CCDC60: variants seen among roughly 807,000 people sequenced by gnomAD.
CCDC60 encodes the protein coiled-coil domain containing 60, also known as coiled-coil domain-containing protein 60.
In CCDC60, 54 loss-of-function variants were observed where a neutral mutation model predicts 63.5. That is an observed-to-expected ratio of 0.85 (90% confidence interval 0.68 to 1.07). The LOEUF (loss-of-function observed/expected upper bound fraction) is 1.07, where lower values mean the gene tolerates loss of function less well. Ranked by LOEUF, CCDC60 falls within the 50% of genes least tolerant of loss-of-function variation. The probability of loss-of-function intolerance (pLI) is 0.00; values close to 1 mark genes in which losing one functional copy is unlikely to be tolerated. For synonymous variants in CCDC60, 206 were observed against 238.8 expected (o/e 0.86, Z 1.27); for missense variants, 651 against 684.3 (o/e 0.95, Z 0.54).
rs1950342398 is a variant in CCDC60, at chr12:119,437,191, G to T, written c.170+8429G>T. On this transcript the variant is annotated intron_variant, in intron 2 of 13. Transcript: ENST00000327554. ...GATATGGTTTGTGTCTTGGCTGGCA[G>T]GTAGGGTGAGCTTCTCCTAACTTTT... Among the ~76,000 whole-genome samples the T allele has an allele frequency of 1.3e-5, 2 of 152,168 alleles. 1 individual carries two copies. The highest frequency in any genetic ancestry group is 4.1e-4 in the South Asian group (2 of 4,826).
At chr12:119,391,262 T>C (rs970503910) in intron 1 of CCDC60, among the ~76,000 whole-genome samples, 5 of 152,244 alleles carry the variant, frequency 3.3e-5, no homozygotes, top group Non-Finnish European at 7.3e-5. Flanking sequence ...TATGTGTCTA[T>C]GTGTATGTGT....
rs191036307 is a variant in CCDC60 at position 119,459,343 on chromosome 12, T to G, written c.171-12651T>G. ...CTAACCCAAACTGCCTTTGCAAAAA[T>G]TATGACAGTGAGAAAAATCTGACAT... On this transcript the variant is annotated intron_variant, in intron 2 of 13. Transcript: ENST00000327554. 1.8e-3 allele frequency among the ~76,000 whole-genome samples: 268 copies of G among 152,268 alleles called. 1 individual carries two copies. Among genetic ancestry groups the G allele is most frequent in the Admixed American group, 6.1e-3 (93 of 15,300 alleles).
intron 8 of CCDC60, among the ~76,000 whole-genome samples, chr12:119,518,105 G>A (rs774576330): frequency 2.0e-5 from 3 of 152,122 alleles, no homozygotes; most frequent in Non-Finnish European, 4.4e-5. Context: ...TGAATTCGCT[G>A]GCTGCTGCCT....
At chr12:119,481,997 T>TATA (rs1491219462) in intron 4 of CCDC60, among the ~76,000 whole-genome samples, 44 of 109,426 alleles carry the variant, frequency 4.0e-4, no homozygotes, top group African/African-American at 1.0e-3. Context: ...TATATATATA[T>TATA]GTATATATAG....
At chr12:119,353,542 GTCTC>G (rs1030797257) in intron 1 of CCDC60, among the ~76,000 whole-genome samples, 20 of 139,460 alleles carry the variant, frequency 1.4e-4, no homozygotes, top group Admixed American at 8.7e-4. Context: ...CTCATTCTTT[GTCTC>G]TCTATGTTTC....
At position 119,531,048 on chromosome 12, in the gene CCDC60, C is replaced by A; in HGVS notation, c.1536C>A (p.Ile512=). The A allele has an allele frequency of 6.2e-7, 1 of 1,613,838 alleles. No homozygotes were observed. Among genetic ancestry groups the A allele is most frequent in the Non-Finnish European group, 8.5e-7 (1 of 1,179,858 alleles). ...LRIWELCSPD[I]AVAIEFVREH... Reference sequence around the variant, plus strand: ...TTTGGGAACTGTGCTCCCCTGACATCGCTGTGGCTATTGAGGTAAACACCA... The same window carrying A: ...TTTGGGAACTGTGCTCCCCTGACATAGCTGTGGCTATTGAGGTAAACACCA... The change falls in exon 13 of 14, where the codon ATC becomes ATA. Residue 512 remains isoleucine, a synonymous_variant. Coordinates refer to ENST00000327554, the MANE Select transcript of CCDC60 (RefSeq NM_178499.5).
chr12:119,501,050 A>G (rs1951839646), intron 6 of CCDC60, among the ~76,000 whole-genome samples: 1 of 152,232 alleles, frequency 6.6e-6, no homozygotes, highest in Non-Finnish European at 1.5e-5. Context: ...AAAAGGTAAT[A>G]TTGAGATAGG....
chr12:119,380,330 A>G (rs1955995203), intron 1 of CCDC60, among the ~76,000 whole-genome samples: 1 of 152,258 alleles, frequency 6.6e-6, no homozygotes, highest in African/African-American at 2.4e-5. Context: ...AAAATCAGCC[A>G]TGATGGGAAT....
chr12:119,436,666 G>A (rs967896817), intron 2 of CCDC60, among the ~76,000 whole-genome samples: 1 of 151,836 alleles, frequency 6.6e-6, no homozygotes, highest in African/African-American at 2.4e-5. Flanking sequence ...AGCCTCCCGA[G>A]TAGCTGGGAT....
At chr12:119,412,347 G>A (rs181655317) in intron 1 of CCDC60, among the ~76,000 whole-genome samples, 67 of 152,194 alleles carry the variant, frequency 4.4e-4, no homozygotes, top group African/African-American at 1.5e-3. Context: ...GGGTTCACTT[G>A]ATTGTTGCAG....
chr12:119,488,232 C>T (rs1417524046), intron 4 of CCDC60, among the ~76,000 whole-genome samples: 1 of 152,224 alleles, frequency 6.6e-6, no homozygotes, highest in Non-Finnish European at 1.5e-5. Flanking sequence ...TAAAGCAATG[C>T]ATCCCATTTT....
chr12:119,364,510 C>T (rs1316687742), intron 1 of CCDC60, among the ~76,000 whole-genome samples: 1 of 152,150 alleles, frequency 6.6e-6, no homozygotes, highest in Non-Finnish European at 1.5e-5. Flanking sequence ...TAGCTTCTTT[C>T]ATCCAACATG....
chr12:119,505,334 C>A (rs770177259), intron 7 of CCDC60, 31 bp downstream of exon 7: 12 of 1,482,922 alleles, frequency 8.1e-6, no homozygotes, highest in Non-Finnish European at 1.0e-5. Context: ...GACTCATCTA[C>A]CCTGACCCTT....
chr12:119,459,824 C>T (rs1392237461), intron 2 of CCDC60, among the ~76,000 whole-genome samples: 2 of 152,232 alleles, frequency 1.3e-5, no homozygotes, highest in Non-Finnish European at 2.9e-5. Flanking sequence ...CCCCTGCCCA[C>T]CAAGCTATCA....
intron 2 of CCDC60, among the ~76,000 whole-genome samples, chr12:119,463,062 G>C (rs922174021): frequency 6.6e-6 from 1 of 152,150 alleles, no homozygotes; most frequent in African/African-American, 2.4e-5. Flanking sequence ...GACCTCAAGT[G>C]ATCCACCCGC....
Position 119,505,047 on chromosome 12 carries a change from CTCTT to C in CCDC60, c.649-17_649-14del. 6.5e-7 allele frequency: 1 copy of C among 1,546,736 alleles called. No homozygotes were observed. The highest frequency in any genetic ancestry group is 1.2e-5 in the South Asian group (1 of 84,204). On this transcript the variant is annotated intron_variant, in intron 6 of 13. Transcript: ENST00000327554. ...TTTTTCCCCCTCCTTCCTGAAACCT[CTCTT>C]TCTTCTCTTTCCTTTAGACCAAGAA...
At chr12:119,477,962 A>G (rs1281810203) in intron 3 of CCDC60, among the ~76,000 whole-genome samples, 1 of 151,916 alleles carries the variant, frequency 6.6e-6, no homozygotes, top group Non-Finnish European at 1.5e-5. Flanking sequence ...GAGAGAGAAA[A>G]AGAGAGTGGA....
At chr12:119,393,396 T>C (rs1019805628) in intron 1 of CCDC60, among the ~76,000 whole-genome samples, 1 of 152,244 alleles carries the variant, frequency 6.6e-6, no homozygotes, top group African/African-American at 2.4e-5. Context: ...GATTTTATAC[T>C]TCCTGCAGTC....
At chr12:119,339,105 C>T (rs2136140367) in intron 1 of CCDC60, among the ~76,000 whole-genome samples, 1 of 152,148 alleles carries the variant, frequency 6.6e-6, no homozygotes, top group Middle Eastern at 3.4e-3. Context: ...TGTTGGGTTC[C>T]CTAATCTGCT....
Sources: allele counts gnomAD v4.1 joint callset (sites outside exome capture counted in the v4.1 genomes callset), GRCh38; gene constraint gnomAD v4.1.1; transcripts MANE v1.5; gene names NCBI Gene and HGNC (gene_info 2026-07-23, HGNC 2026-07-21).